The following KLF3 variants were observed in gnomAD, a reference collection of about 807,000 sequenced individuals.
The protein encoded by KLF3 is KLF transcription factor 3, also known as Krueppel-like factor 3.
A neutral mutation model predicts 32.7 loss-of-function variants in KLF3; 6 were observed. The ratio of observed to expected loss-of-function variants is 0.18; its 90% confidence interval spans 0.10 to 0.36. The LOEUF (loss-of-function observed/expected upper bound fraction) is 0.36, where lower values mean the gene tolerates loss of function less well. Among genes scored for constraint, KLF3 ranks in the 10% least tolerant of loss-of-function variants. The probability of loss-of-function intolerance (pLI) is 1.00; values close to 1 mark genes in which losing one functional copy is unlikely to be tolerated. For synonymous variants in KLF3, 145 were observed against 172.8 expected, an observed-to-expected ratio of 0.84 and a Z score of 1.26; for missense variants, 338 against 449.7, an observed-to-expected ratio of 0.75 and a Z score of 2.25.
chr4:38,689,414 A>G (rs1722809775), intron 3 of KLF3, among the ~76,000 whole-genome samples: 1 of 152,230 alleles, frequency 6.6e-6, no homozygotes, highest in African/African-American at 2.4e-5. Context: ...GGTGAAAACT[A>G]ATGGTGATCA....
In KLF3 at chr4:38,689,830, T is replaced by TGGGGC; in HGVS notation, c.646_647insGGGGC (p.Ser216TrpfsTer6). 5 of 1,607,184 alleles carry TGGGGC rather than the reference T, an allele frequency of 3.1e-6. No individual in the cohort carries two copies. Among genetic ancestry groups the TGGGGC allele is most frequent in the South Asian group, 1.1e-5 (1 of 90,738 alleles). On this transcript the variant is annotated frameshift_variant, in exon 4 of 6. Transcript: ENST00000261438. LOFTEE classifies it high-confidence loss of function. ...GACAGATTATTATCCTGAAGAAATGTCACCCCCCTTAATGAACTCAGTGTC... is the reference window on the plus strand; with the variant it reads ...GACAGATTATTATCCTGAAGAAATGTGGGGCCACCCCCCTTAATGAACTCAGTGTC...
At chr4:38,690,333 G>GT (rs1445150587) in intron 4 of KLF3, 1 of 153,874 alleles carries the variant, frequency 6.5e-6, no homozygotes, top group African/African-American at 2.4e-5. Context: ...TGCAGTGTTG[G>GT]TCAGCATCCA....
chr4:38,673,127 T>G (rs933773901), intron 1 of KLF3, among the ~76,000 whole-genome samples: 1 of 152,222 alleles, frequency 6.6e-6, no homozygotes, highest in Non-Finnish European at 1.5e-5. Context: ...TGGGAGGAAC[T>G]TCAGTGGAGA....
Position 38,697,339 on chromosome 4 carries a change from A to C in KLF3, c.*76A>C. Reference sequence around the variant, plus strand: ...TCTGTCCTGCCTCCCATTATCTAACACATTTTTTACATGTACATTTTAATT... The same window carrying C: ...TCTGTCCTGCCTCCCATTATCTAACCCATTTTTTACATGTACATTTTAATT... On this transcript the variant is annotated 3_prime_UTR_variant, in exon 6 of 6. Coordinates refer to ENST00000261438, the MANE Select transcript of KLF3 (RefSeq NM_016531.6). 7.9e-7 allele frequency: 1 copy of C among 1,260,036 alleles called. No homozygotes were observed. The highest frequency in any genetic ancestry group is 1.1e-6 in the Non-Finnish European group (1 of 909,824). The allele number at this position is 1,260,036 out of a possible 1,614,324, so 78.1% of individuals were successfully genotyped here.
chr4:38,688,692 C>A lies in KLF3; in HGVS notation c.165C>A (p.His55Gln). ...KFFQTPEGLS[H>Q]GIQMEPVDLT... is the part of the protein sequence containing the mutation. ...TTCAGACCCCAGAAGGTCTGTCGCA[C>A]GGAATACAGATGGAGCCAGTGGACC... The change falls in exon 3 of 6, where the codon CAC becomes CAA. Residue 55 changes from histidine (H) to glutamine (Q), a missense_variant. Transcript: ENST00000261438. The surrounding 1 kb of genome is among the most constrained non-coding windows in gnomAD (Gnocchi z 4.9). 6.2e-7 allele frequency: 1 copy of A among 1,614,214 alleles called. No individual in the cohort carries two copies. Among genetic ancestry groups the A allele is most frequent in the Non-Finnish European group, 8.5e-7 (1 of 1,180,050 alleles).
At chr4:38,681,299 T>G (rs962086239) in intron 2 of KLF3, among the ~76,000 whole-genome samples, 1 of 152,196 alleles carries the variant, frequency 6.6e-6, no homozygotes, top group Non-Finnish European at 1.5e-5. Flanking sequence ...TCAGCCCTTT[T>G]GTGTGTAAAA....
intron 4 of KLF3, among the ~76,000 whole-genome samples, chr4:38,694,354 C>T (rs1722983840): frequency 6.6e-6 from 1 of 152,192 alleles, no homozygotes; most frequent in African/African-American, 2.4e-5. Flanking sequence ...CCACAAGATT[C>T]TATAAGTAGG....
Position 38,677,795 on chromosome 4 carries a change from T to C in KLF3, c.-39-2792T>C, listed in dbSNP as rs558842010. On this transcript the variant is annotated intron_variant, in intron 1 of 5. Transcript: ENST00000261438. ...ACGCCAGACATTTTTGCTCCGGAAGTTGGAACCAACACATTTAGTGTTGTG... is the reference window on the plus strand; with the variant it reads ...ACGCCAGACATTTTTGCTCCGGAAGCTGGAACCAACACATTTAGTGTTGTG... Among the ~76,000 whole-genome samples the C allele has an allele frequency of 4.6e-5, 7 of 152,240 alleles. No homozygotes were observed. The East Asian group carries it at 1.3e-3, about 29-fold the overall frequency.
chr4:38,685,045 T>G (rs1722649191), intron 2 of KLF3, among the ~76,000 whole-genome samples: 1 of 152,176 alleles, frequency 6.6e-6, no homozygotes, highest in Non-Finnish European at 1.5e-5. Context: ...TCATCAACAT[T>G]TGTCTCTGAT....
intron 2 of KLF3, among the ~76,000 whole-genome samples, chr4:38,681,261 A>G (rs1722517209): frequency 6.6e-6 from 1 of 152,154 alleles, no homozygotes; most frequent in African/African-American, 2.4e-5. Context: ...GAATCCTCTC[A>G]TGACAGAAGT....
At chr4:38,682,134 C>T (rs1206175115) in intron 2 of KLF3, among the ~76,000 whole-genome samples, 1 of 152,282 alleles carries the variant, frequency 6.6e-6, no homozygotes, top group Non-Finnish European at 1.5e-5. Flanking sequence ...CCTCAGCTCA[C>T]TGCAACCTCC....
intron 4 of KLF3, among the ~76,000 whole-genome samples, chr4:38,692,558 CATT>C (rs1352037471): frequency 6.6e-6 from 1 of 152,152 alleles, no homozygotes; most frequent in Non-Finnish European, 1.5e-5. Context: ...TCTGAGATAA[CATT>C]ATTATCATCC....
rs1384574121 is a variant in KLF3, at chr4:38,674,256, A to G, written c.-39-6331A>G. Among the ~76,000 whole-genome samples, 1 of 152,118 alleles carries G rather than the reference A, an allele frequency of 6.6e-6. No individual in the cohort carries two copies. The highest frequency in any genetic ancestry group is 2.4e-5 in the African/African-American group (1 of 41,440). On this transcript the variant is annotated intron_variant, in intron 1 of 5. Transcript: ENST00000261438. The surrounding 1 kb of genome is among the most constrained non-coding windows in gnomAD (Gnocchi z 4.1). The stretch of plus-strand genomic sequence containing the variant: ...CTGACATCTGTTGCCTGTCCCCTGT[A>G]TTTCTGGCTAGGGCAACTGTCCTTA...
chr4:38,666,136 A>T (rs965947400), intron 1 of KLF3, among the ~76,000 whole-genome samples: 1 of 152,222 alleles, frequency 6.6e-6, no homozygotes, highest in African/African-American at 2.4e-5. Context: ...AACCTAATGT[A>T]CTATCGGTAA....
rs140240560 is a variant in KLF3, at chr4:38,671,909, C to T, written c.-40+7448C>T. Among the ~76,000 whole-genome samples, 3 of 152,274 alleles carry T rather than the reference C, an allele frequency of 2.0e-5. No homozygotes were observed. Among genetic ancestry groups the T allele is most frequent in the African/African-American group, 4.8e-5 (2 of 41,560 alleles). On this transcript the variant is annotated intron_variant, in intron 1 of 5. Transcript: ENST00000261438. This position sits in a 1 kb window ranked among gnomAD's most constrained non-coding sequence, Gnocchi z 4.4. ...ACCCCTTCCCCTTGCAGTTCCCCCC[C>T]ACCTGCCTCCTCTCCTCCCTTTCTC...
At chr4:38,673,686 C>T (rs1236588354) in intron 1 of KLF3, among the ~76,000 whole-genome samples, 3 of 152,134 alleles carry the variant, frequency 2.0e-5, no homozygotes, top group African/African-American at 7.2e-5. Context: ...TCCCCGCCCC[C>T]AGCCCTGCTT....
In KLF3 at chr4:38,684,058, C is replaced by CT. The variant is rs887983940; in HGVS notation, c.57+3383dup. Among the ~76,000 whole-genome samples, 15 of 152,258 alleles carry CT rather than the reference C, an allele frequency of 9.9e-5. No individual in the cohort carries two copies. The South Asian group carries it at 3.1e-3, about 32-fold the overall frequency. On this transcript the variant is annotated intron_variant, in intron 2 of 5. Transcript: ENST00000261438. ...TGACTTGACCTGTAATGGACATTCA[C>CT]TTTTTTTCATGTTGAGGAATAGTGA...
intron 1 of KLF3, among the ~76,000 whole-genome samples, chr4:38,666,142 G>A (rs1020125576): frequency 6.6e-6 from 1 of 152,086 alleles, no homozygotes; most frequent in African/African-American, 2.4e-5. Flanking sequence ...ATGTACTATC[G>A]GTAAGTTCAA....
At position 38,669,666 on chromosome 4, in the gene KLF3, G is replaced by T. The variant is rs572287897; in HGVS notation, c.-40+5205G>T. 2.0e-5 allele frequency among the ~76,000 whole-genome samples: 3 copies of T among 152,110 alleles called. No homozygotes were observed. In the South Asian group the frequency reaches 6.2e-4, roughly 32 times the overall value. ...TCAGCACTTTGGGAGGCCGAAGTGG[G>T]TGGATCACCTGAGGTCAGGAGTTCG... is the stretch of plus-strand genomic sequence containing the variant. On this transcript the variant is annotated intron_variant, in intron 1 of 5. Transcript: ENST00000261438.
Sources: gnomAD v4.1 joint callset for allele counts (sites outside exome capture counted in the v4.1 genomes callset) on GRCh38, gnomAD v4.1.1 for gene constraint, Gnocchi (gnomAD v3.1) non-coding constraint, MANE v1.5 for transcripts, NCBI Gene and HGNC (gene_info 2026-07-23, HGNC 2026-07-21) for gene names.